The following PGPEP1L variants were observed in gnomAD, a reference collection of about 807,000 sequenced individuals.
The protein encoded by PGPEP1L is pyroglutamyl-peptidase 1-like protein.
Under a neutral mutation model 6.0 loss-of-function variants are expected in PGPEP1L, and 7 were observed. That is an observed-to-expected ratio of 1.17 (90% confidence interval 0.66 to 2.19). PGPEP1L has a LOEUF of 2.19. PGPEP1L is among the 30% of genes most tolerant of loss of function. The pLI, the probability that PGPEP1L is intolerant of heterozygous loss-of-function variation, is 0.00. For missense variants in PGPEP1L, 209 were observed against 192.5 expected (o/e 1.09, Z -0.51); for synonymous variants, 103 against 83.9 (o/e 1.23, Z -1.24).
chr15:98,992,080 G>A (rs565818056), intron 2 of PGPEP1L, among the ~76,000 whole-genome samples: 1 of 152,294 alleles, frequency 6.6e-6, no homozygotes, highest in South Asian at 2.1e-4. Context: ...ATTCAACACA[G>A]TATTGGAAGT....
chr15:98,980,592 A>T (rs1199316614), intron 2 of PGPEP1L, among the ~76,000 whole-genome samples: 1 of 151,080 alleles, frequency 6.6e-6, no homozygotes, highest in African/African-American at 2.5e-5. Flanking sequence ...GGCTGCGCAG[A>T]GTTACTTCCT....
intron 2 of PGPEP1L, among the ~76,000 whole-genome samples, chr15:98,976,086 T>C (rs573964952): frequency 3.3e-5 from 5 of 152,310 alleles, no homozygotes; most frequent in Admixed American, 6.5e-5. Context: ...TGGAGGGTTA[T>C]TGTTAATGAA....
intron 2 of PGPEP1L, chr15:99,001,261 G>A (rs1284206717): frequency 3.3e-6 from 1 of 300,404 alleles, no homozygotes; most frequent in Non-Finnish European, 6.8e-6. Flanking sequence ...CTACCACGTG[G>A]CTCAACCTTG....
intron 2 of PGPEP1L, chr15:99,001,300 G>A (rs900239743): frequency 4.0e-6 from 1 of 247,518 alleles, no homozygotes; most frequent in South Asian, 3.6e-5. Context: ...GAAGCCAGAG[G>A]CAAAGGACCA....
chr15:98,987,165 CAAAAAA>C (rs57923635), intron 2 of PGPEP1L, among the ~76,000 whole-genome samples: 154 of 33,372 alleles, frequency 4.6e-3, no homozygotes, highest in African/African-American at 9.0e-3. Flanking sequence ...GACTCCATCT[CAAAAAA>C]AAAAAAAAAA....
chr15:99,000,000 G>A (rs909197538), intron 2 of PGPEP1L, among the ~76,000 whole-genome samples: 1 of 152,230 alleles, frequency 6.6e-6, no homozygotes, highest in African/African-American at 2.4e-5. Context: ...CCCTTTCTGG[G>A]CAGGCCAAGG....
At chr15:99,003,345 A>C (rs2018002219) in intron 2 of PGPEP1L, among the ~76,000 whole-genome samples, 1 of 151,610 alleles carries the variant, frequency 6.6e-6, no homozygotes, top group South Asian at 2.1e-4. Flanking sequence ...TATCTGTTTT[A>C]AATTAGAAAA....
intron 2 of PGPEP1L, among the ~76,000 whole-genome samples, chr15:98,982,036 T>C (rs1043364232): frequency 6.6e-6 from 1 of 152,178 alleles, no homozygotes; most frequent in Admixed American, 6.5e-5. Context: ...TGGGAATGGA[T>C]TTGGGGTTTA....
At chr15:98,980,015 G>A (rs2017634496) in intron 2 of PGPEP1L, among the ~76,000 whole-genome samples, 2 of 152,122 alleles carry the variant, frequency 1.3e-5, no homozygotes, top group South Asian at 4.1e-4. Context: ...TGATACAATG[G>A]ACACTGGGGA....
chr15:98,970,896 A>T, intron 3 of PGPEP1L, 140 bp downstream of exon 3: 1 of 1,238,398 alleles, frequency 8.1e-7, no homozygotes, highest in Non-Finnish European at 1.1e-6. Flanking sequence ...TTACACAATC[A>T]GCTGGGACCT....
intron 2 of PGPEP1L, among the ~76,000 whole-genome samples, chr15:98,972,763 C>A (rs1047777468): frequency 1.3e-5 from 2 of 149,598 alleles, no homozygotes; most frequent in Admixed American, 6.8e-5. Context: ...CCCAGCTACT[C>A]GGGAGGCTGA....
At chr15:98,995,331 G>A (rs942821218) in intron 2 of PGPEP1L, among the ~76,000 whole-genome samples, 1 of 152,098 alleles carries the variant, frequency 6.6e-6, no homozygotes, top group Non-Finnish European at 1.5e-5. Flanking sequence ...GCATATGCAT[G>A]TATATCTATA....
intron 2 of PGPEP1L, among the ~76,000 whole-genome samples, chr15:98,981,288 C>T (rs993282292): frequency 8.4e-4 from 128 of 152,032 alleles, no homozygotes; most frequent in Admixed American, 8.1e-3. Flanking sequence ...GTCAGGAGAT[C>T]CAGACCATCC....
chr15:98,985,163 G>T (rs892451665), intron 2 of PGPEP1L, among the ~76,000 whole-genome samples: 1 of 152,174 alleles, frequency 6.6e-6, no homozygotes, highest in African/African-American at 2.4e-5. Flanking sequence ...GATGGATATA[G>T]GGCTGAGGCA....
chr15:98,982,191 A>G (rs922037400), intron 2 of PGPEP1L, among the ~76,000 whole-genome samples: 3 of 152,216 alleles, frequency 2.0e-5, no homozygotes, highest in Non-Finnish European at 4.4e-5. Flanking sequence ...CCCTCCATGC[A>G]TGTGGACCGT....
At chr15:98,995,315 A>C (rs1440779925) in intron 2 of PGPEP1L, among the ~76,000 whole-genome samples, 1 of 152,178 alleles carries the variant, frequency 6.6e-6, no homozygotes, top group East Asian at 1.9e-4. Context: ...CTAAACTTCT[A>C]TATATGCATA....
At chr15:98,978,903 T>A (rs1460580562) in intron 2 of PGPEP1L, among the ~76,000 whole-genome samples, 6 of 151,692 alleles carry the variant, frequency 4.0e-5, no homozygotes, top group Admixed American at 1.3e-4. Context: ...TTAATTTTTG[T>A]GTTTTTAGTA....
chr15:98,969,358 CG>C, intron 4 of PGPEP1L, 66 bp downstream of exon 4: 12 of 1,588,950 alleles, frequency 7.6e-6, no homozygotes, highest in Non-Finnish European at 4.3e-6. Flanking sequence ...TCTTGGAGGT[CG>C]GGGGGACGCT....
intron 2 of PGPEP1L, among the ~76,000 whole-genome samples, chr15:98,995,111 T>C (rs555491893): frequency 6.6e-6 from 1 of 152,348 alleles, no homozygotes; most frequent in East Asian, 1.9e-4. Context: ...TCTCAGTCAC[T>C]ATCTCTTTGA....
Sources: gnomAD v4.1 joint callset for allele counts (sites outside exome capture counted in the v4.1 genomes callset) on GRCh38, gnomAD v4.1.1 for gene constraint, MANE v1.5 for transcripts, NCBI Gene and HGNC (gene_info 2026-07-23, HGNC 2026-07-21) for gene names.